CNTNAP2: variants seen among roughly 807,000 people sequenced by gnomAD.
The protein encoded by CNTNAP2 is contactin associated protein 2.
Under a neutral mutation model 155.2 loss-of-function variants are expected in CNTNAP2, and 98 were observed. The observed-to-expected ratio is 0.63, with a 90% CI of 0.54 to 0.75. The LOEUF is 0.75. Among genes scored for constraint, CNTNAP2 ranks in the 30% least tolerant of loss-of-function variants. The pLI is 0.00. For synonymous variants in CNTNAP2, 651 were observed against 631.2 expected (o/e 1.03, Z -0.47); for missense variants, 1,727 against 1,688.1 (o/e 1.02, Z -0.40).
intron 1 of CNTNAP2, among the ~76,000 whole-genome samples, chr7:146,653,804 G>T (rs1467005784): frequency 6.6e-6 from 1 of 152,090 alleles, no homozygotes; most frequent in African/African-American, 2.4e-5. Flanking sequence ...ATTTTTGGCT[G>T]AAAGGAAATC....
intron 1 of CNTNAP2, among the ~76,000 whole-genome samples, chr7:146,634,634 G>C (rs545232866): frequency 6.6e-6 from 1 of 152,174 alleles, no homozygotes. Flanking sequence ...TCACATGCCA[G>C]TCATTAGACA....
chr7:146,126,732 A>T (rs1797643504), intron 1 of CNTNAP2, among the ~76,000 whole-genome samples: 1 of 152,244 alleles, frequency 6.6e-6, no homozygotes, highest in African/African-American at 2.4e-5. Context: ...ACAATAGCTA[A>T]TCCATGAAGC....
intron 10 of CNTNAP2, among the ~76,000 whole-genome samples, chr7:147,401,310 A>C (rs1796908238): frequency 6.6e-6 from 1 of 152,220 alleles, no homozygotes; most frequent in South Asian, 2.1e-4. Context: ...TTACCACTTG[A>C]GAAATTATGA....
At chr7:147,018,383 A>G (rs1470225294) in intron 3 of CNTNAP2, among the ~76,000 whole-genome samples, 2 of 152,088 alleles carry the variant, frequency 1.3e-5, no homozygotes, top group Non-Finnish European at 2.9e-5. Flanking sequence ...TGTGCCCTAA[A>G]TAAACACTGT....
At chr7:148,238,936 A>G (rs1273939925) in intron 20 of CNTNAP2, among the ~76,000 whole-genome samples, 1 of 152,252 alleles carries the variant, frequency 6.6e-6, no homozygotes, top group Non-Finnish European at 1.5e-5. Flanking sequence ...TTACTATCAG[A>G]AGTTGTTCAT....
At chr7:146,268,491 A>T (rs1408450999) in intron 1 of CNTNAP2, among the ~76,000 whole-genome samples, 1 of 152,210 alleles carries the variant, frequency 6.6e-6, no homozygotes, top group Non-Finnish European at 1.5e-5. Flanking sequence ...AGCCCTAAGT[A>T]GGAGAGGCAT....
intron 2 of CNTNAP2, among the ~76,000 whole-genome samples, chr7:146,784,554 A>G (rs73740866): frequency 6.6e-6 from 1 of 152,228 alleles, no homozygotes; most frequent in Non-Finnish European, 1.5e-5. Flanking sequence ...TGAAGAATAC[A>G]TATACCTTTG....
At chr7:148,141,651 T>C (rs1805073082) in intron 16 of CNTNAP2, among the ~76,000 whole-genome samples, 1 of 152,188 alleles carries the variant, frequency 6.6e-6, no homozygotes, top group Non-Finnish European at 1.5e-5. Context: ...TCTGCCTTCC[T>C]GAGGCCAGGA....
chr7:147,744,239 G>A (rs1797001129), intron 13 of CNTNAP2, among the ~76,000 whole-genome samples: 1 of 151,992 alleles, frequency 6.6e-6, no homozygotes, highest in Admixed American at 6.6e-5. Flanking sequence ...TGAGCCATCT[G>A]CCCCTTTTTA....
At chr7:148,254,005 G>T (rs533448404) in intron 20 of CNTNAP2, among the ~76,000 whole-genome samples, 1 of 151,878 alleles carries the variant, frequency 6.6e-6, no homozygotes, top group African/African-American at 2.4e-5. Context: ...ATCCGCATTT[G>T]GTTGAAAAAA....
At chr7:147,728,841 A>G (rs1796687742) in intron 13 of CNTNAP2, among the ~76,000 whole-genome samples, 9 of 151,904 alleles carry the variant, frequency 5.9e-5, no homozygotes, top group Admixed American at 4.6e-4. Context: ...GAATTGTCCT[A>G]TCCTAATCAA....
intron 3 of CNTNAP2, among the ~76,000 whole-genome samples, chr7:146,859,200 TAAAAG>T (rs974700646): frequency 1.2e-4 from 18 of 152,320 alleles, no homozygotes; most frequent in South Asian, 4.1e-4. Context: ...AGTCAAATCT[TAAAAG>T]AAGAGCAGAG....
At chr7:146,589,784 T>C (rs1418819860) in intron 1 of CNTNAP2, among the ~76,000 whole-genome samples, 1 of 151,062 alleles carries the variant, frequency 6.6e-6, no homozygotes, top group Admixed American at 6.6e-5. Flanking sequence ...AATGTTGCAA[T>C]GTAAGTTTAT....
At chr7:147,002,869 A>T (rs1260501476) in intron 3 of CNTNAP2, among the ~76,000 whole-genome samples, 2 of 146,734 alleles carry the variant, frequency 1.4e-5, no homozygotes, top group African/African-American at 5.0e-5. Context: ...CAGTATCATT[A>T]TCTTGCAGGT....
At chr7:146,117,246 GT>G in intron 1 of CNTNAP2, 1 of 473,858 alleles carries the variant, frequency 2.1e-6, no homozygotes, top group Non-Finnish European at 3.9e-6. Context: ...AGAGACTGAT[GT>G]AGATGGCAGC....
intron 3 of CNTNAP2, among the ~76,000 whole-genome samples, chr7:146,932,729 T>C (rs1005214158): frequency 1.6e-4 from 25 of 152,144 alleles, no homozygotes; most frequent in Non-Finnish European, 2.9e-4. Flanking sequence ...GATAAGCAAC[T>C]TCAGCAAAGT....
intron 1 of CNTNAP2, among the ~76,000 whole-genome samples, chr7:146,735,898 G>C (rs1801611162): frequency 6.6e-6 from 1 of 152,080 alleles, no homozygotes; most frequent in African/African-American, 2.4e-5. Flanking sequence ...AGCTAGAAGA[G>C]AGGATTTCGA....
In CNTNAP2 at chr7:147,460,243, G is replaced by A. The variant is rs561894121; in HGVS notation, c.1671-25692G>A. 2.0e-5 allele frequency among the ~76,000 whole-genome samples: 3 copies of A among 152,134 alleles called. No homozygotes were observed. The South Asian group carries it at 6.2e-4, about 32-fold the overall frequency. On this transcript the variant is annotated intron_variant, in intron 10 of 23. Transcript: ENST00000361727. ...ATGTATACGCAGACTCGTATTGCTG[G>A]AGTCCATTATGCCTTTTAAGAACTA...
intron 9 of CNTNAP2, among the ~76,000 whole-genome samples, chr7:147,339,401 G>C (rs981393994): frequency 6.6e-6 from 1 of 152,014 alleles, no homozygotes; most frequent in Non-Finnish European, 1.5e-5. Flanking sequence ...TTCATTATGT[G>C]AACTCTTTGT....
Sources: gnomAD v4.1 joint callset for allele counts (sites outside exome capture counted in the v4.1 genomes callset) on GRCh38, gnomAD v4.1.1 for gene constraint, MANE v1.5 for transcripts, NCBI Gene and HGNC (gene_info 2026-07-23, HGNC 2026-07-21) for gene names.